Variants in MMS22L observed in about 807,000 individuals in gnomAD.
MMS22L encodes the protein MMS22 like, DNA repair protein.
Under a neutral mutation model 159.1 loss-of-function variants are expected in MMS22L, and 74 were observed. The ratio of observed to expected loss-of-function variants is 0.47; its 90% CI spans 0.39 to 0.56. MMS22L has a LOEUF of 0.56. MMS22L is among the 20% of genes least tolerant of loss of function. The probability of loss-of-function intolerance (pLI) is 0.00; values close to 1 mark genes in which losing one functional copy is unlikely to be tolerated. For synonymous variants in MMS22L, 517 were observed against 506.9 expected, an observed-to-expected ratio of 1.02 and a Z score of -0.27; for missense variants, 1,351 against 1,422.1, an observed-to-expected ratio of 0.95 and a Z score of 0.80.
chr6:97,150,587 C>T lies in MMS22L; in HGVS notation c.3483-567G>A, dbSNP rs548339649. Among the ~76,000 whole-genome samples the T allele has an allele frequency of 6.6e-5, 10 of 152,266 alleles. No individual in the cohort carries two copies. The East Asian group carries it at 1.5e-3, about 23-fold the overall frequency. On this transcript the variant is annotated intron_variant, in intron 23 of 24. Transcript: ENST00000683635. The stretch of plus-strand genomic sequence containing the variant: ...CAATCAACAAAATGAAAAGCCACCT[C>T]GCTTAGTAAATTATAGATAACATTC...
chr6:97,255,785 G>C (rs933538588), intron 9 of MMS22L, among the ~76,000 whole-genome samples: 31 of 151,202 alleles, frequency 2.1e-4, no homozygotes, highest in Non-Finnish European at 1.0e-4. Flanking sequence ...TTGAAAATCT[G>C]TCCATTTTAA....
At chr6:97,275,776 G>A (rs949650590) in intron 4 of MMS22L, among the ~76,000 whole-genome samples, 6 of 152,264 alleles carry the variant, frequency 3.9e-5, no homozygotes, top group African/African-American at 7.2e-5. Context: ...AGGCCAAGGC[G>A]GGAGGATCAC....
intron 15 of MMS22L, among the ~76,000 whole-genome samples, chr6:97,185,145 T>C (rs1805097488): frequency 6.6e-6 from 1 of 151,964 alleles, no homozygotes; most frequent in Non-Finnish European, 1.5e-5. Flanking sequence ...TCTGGCCTTC[T>C]GTATTCCTAT....
At position 97,274,128 on chromosome 6, in the gene MMS22L, G is replaced by A. The variant is rs564515678; in HGVS notation, c.341-1066C>T. On this transcript the variant is annotated intron_variant, in intron 4 of 24. Transcript: ENST00000683635. ...AAAACACTAATAATCATTATATAGA[G>A]AATGAGTAAGAGACAATCTAGTAAA... Among the ~76,000 whole-genome samples the A allele has an allele frequency of 3.3e-5, 5 of 152,218 alleles. No homozygotes were observed. The South Asian group carries it at 1.0e-3, about 32-fold the overall frequency.
intron 14 of MMS22L, among the ~76,000 whole-genome samples, chr6:97,195,613 A>G (rs1477794999): frequency 6.6e-6 from 1 of 152,202 alleles, no homozygotes; most frequent in East Asian, 1.9e-4. Flanking sequence ...GCTAGTCACT[A>G]TGTCTGATGC....
intron 3 of MMS22L, among the ~76,000 whole-genome samples, chr6:97,279,186 A>G (rs911156000): frequency 6.6e-6 from 1 of 152,218 alleles, no homozygotes; most frequent in African/African-American, 2.4e-5. Flanking sequence ...GATACTGTTT[A>G]TATCTTTAAG....
chr6:97,227,646 A>C (rs537536520), intron 14 of MMS22L, among the ~76,000 whole-genome samples: 1 of 152,360 alleles, frequency 6.6e-6, no homozygotes, highest in African/African-American at 2.4e-5. Flanking sequence ...TAAATTCCCA[A>C]AATTTGGAAA....
chr6:97,171,756 G>C (rs1803570707), intron 19 of MMS22L, among the ~76,000 whole-genome samples: 1 of 152,134 alleles, frequency 6.6e-6, no homozygotes, highest in African/African-American at 2.4e-5. Context: ...TGTTTCAGTG[G>C]TTAACTCCTT....
intron 14 of MMS22L, among the ~76,000 whole-genome samples, chr6:97,208,710 A>G (rs1001768108): frequency 6.6e-6 from 1 of 152,066 alleles, no homozygotes; most frequent in African/African-American, 2.4e-5. Context: ...GAGACAGAAC[A>G]GCATATGAAG....
intron 18 of MMS22L, among the ~76,000 whole-genome samples, chr6:97,174,163 G>C (rs1163550903): frequency 2.6e-5 from 4 of 151,150 alleles, no homozygotes; most frequent in Non-Finnish European, 5.9e-5. Context: ...TGAGGCAGGA[G>C]AATGGCTTGA....
At chr6:97,276,830 T>C (rs1816283056) in intron 4 of MMS22L, among the ~76,000 whole-genome samples, 1 of 152,194 alleles carries the variant, frequency 6.6e-6, no homozygotes, top group Non-Finnish European at 1.5e-5. Flanking sequence ...AGCTTGTACA[T>C]TCCTTTATCA....
chr6:97,278,671 A>G (rs1239861479), intron 4 of MMS22L, among the ~76,000 whole-genome samples, 178 bp downstream of exon 4: 1 of 152,204 alleles, frequency 6.6e-6, no homozygotes, highest in African/African-American at 2.4e-5. Context: ...AATACTATAT[A>G]TCTCAGCTAC....
At chr6:97,240,638 T>TG (rs1811953985) in intron 11 of MMS22L, among the ~76,000 whole-genome samples, 1 of 151,904 alleles carries the variant, frequency 6.6e-6, no homozygotes, top group African/African-American at 2.4e-5. Flanking sequence ...TCATTTTTTT[T>TG]TTTTTGAGAC....
intron 21 of MMS22L, among the ~76,000 whole-genome samples, chr6:97,164,581 C>G (rs1289639048): frequency 2.0e-5 from 3 of 151,766 alleles, no homozygotes; most frequent in African/African-American, 7.3e-5. Flanking sequence ...TATTAGCATT[C>G]ATTTTTTCAC....
At chr6:97,279,070 T>C (rs1357197574) in intron 3 of MMS22L, among the ~76,000 whole-genome samples, 172 bp from the exon 4 acceptor site, 1 of 152,210 alleles carries the variant, frequency 6.6e-6, no homozygotes, top group Non-Finnish European at 1.5e-5. Context: ...ATGAAAACTT[T>C]AAGAAAAGAT....
intron 14 of MMS22L, among the ~76,000 whole-genome samples, chr6:97,187,653 T>G (rs1805394518): frequency 6.6e-6 from 1 of 152,124 alleles, no homozygotes; most frequent in Non-Finnish European, 1.5e-5. Flanking sequence ...TTAATAGAGA[T>G]AGCATTCCAC....
At chr6:97,236,755 T>C (rs1213804320) in intron 11 of MMS22L, among the ~76,000 whole-genome samples, 1 of 151,948 alleles carries the variant, frequency 6.6e-6, no homozygotes, top group African/African-American at 2.4e-5. Context: ...ATCGAGACCA[T>C]CCTGGCTAAC....
intron 14 of MMS22L, among the ~76,000 whole-genome samples, chr6:97,220,341 T>G (rs532694732): frequency 6.6e-6 from 1 of 152,204 alleles, no homozygotes; most frequent in Non-Finnish European, 1.5e-5. Context: ...TTTTCTACTG[T>G]GTCTATTAGA....
intron 14 of MMS22L, among the ~76,000 whole-genome samples, chr6:97,207,482 A>C (rs1807907617): frequency 6.6e-6 from 1 of 152,190 alleles, no homozygotes. Flanking sequence ...TTATCACATA[A>C]ATGTAACCAT....
Sources: gnomAD v4.1 joint callset for allele counts (sites outside exome capture counted in the v4.1 genomes callset) on GRCh38, gnomAD v4.1.1 for gene constraint, MANE v1.5 for transcripts, NCBI Gene and HGNC (gene_info 2026-07-23, HGNC 2026-07-21) for gene names.